CD58: variants seen among roughly 807,000 people sequenced by gnomAD.
CD58 encodes the protein lymphocyte function-associated antigen 3.
Under a neutral mutation model 27.6 loss-of-function variants are expected in CD58, and 14 were observed. That is an observed-to-expected ratio of 0.51 (90% CI 0.34 to 0.79). CD58 has a LOEUF of 0.79. CD58 is among the 30% of genes least tolerant of loss of function. CD58 has a pLI of 0.02. For synonymous variants in CD58, 117 were observed against 103.8 expected (o/e 1.13, Z -0.77); for missense variants, 268 against 301.7 (o/e 0.89, Z 0.83).
chr1:116,565,110 TCTC>T (rs952183590), intron 1 of CD58, among the ~76,000 whole-genome samples: 3 of 152,192 alleles, frequency 2.0e-5, no homozygotes, highest in African/African-American at 7.2e-5. Context: ...CTTCCTTTTC[TCTC>T]CTCTACAGAC....
intron 3 of CD58, among the ~76,000 whole-genome samples, chr1:116,526,587 A>G (rs1377364870): frequency 6.6e-6 from 1 of 152,212 alleles, no homozygotes; most frequent in South Asian, 2.1e-4. Flanking sequence ...TATGTTGACT[A>G]CTGTAGCTTT....
chr1:116,538,430 T>C lies in CD58; in HGVS notation c.365-2202A>G, dbSNP rs1297927475. ...AAAAATGCCTGTTCTCAGTATTTCA[T>C]ATACTTATGCCTGCCTCTGTAACTA... On this transcript the variant is annotated intron_variant, in intron 2 of 5. Transcript: ENST00000369489. The surrounding 1 kb of genome is among the most constrained non-coding windows in gnomAD (Gnocchi z 4.7). Among the ~76,000 whole-genome samples, 1 of 152,194 alleles carries C rather than the reference T, an allele frequency of 6.6e-6. No individual in the cohort carries two copies. The highest frequency in any genetic ancestry group is 1.5e-5 in the Non-Finnish European group (1 of 68,032).
At chr1:116,542,623 T>C (rs1365455080) in intron 2 of CD58, among the ~76,000 whole-genome samples, 1 of 152,202 alleles carries the variant, frequency 6.6e-6, no homozygotes, top group Non-Finnish European at 1.5e-5. Flanking sequence ...ACAGTATATA[T>C]GTATGCCACT....
chr1:116,563,341 G>A lies in CD58; in HGVS notation c.70+7562C>T, dbSNP rs1445977302. 6.6e-6 allele frequency among the ~76,000 whole-genome samples: 1 copy of A among 151,744 alleles called. No individual in the cohort carries two copies. Among genetic ancestry groups the A allele is most frequent in the Non-Finnish European group, 1.5e-5 (1 of 67,952 alleles). On this transcript the variant is annotated intron_variant, in intron 1 of 5. Transcript: ENST00000369489. The surrounding 1 kb of genome is among the most constrained non-coding windows in gnomAD (Gnocchi z 4.1). Reference sequence around the variant, plus strand: ...CATTAAGTGTCTGTGGCTTTTCCAGGTACACGGTGCAAGCTCTCGGTGGAT... The same window carrying A: ...CATTAAGTGTCTGTGGCTTTTCCAGATACACGGTGCAAGCTCTCGGTGGAT...
chr1:116,540,275 G>A (rs1657949191), intron 2 of CD58, among the ~76,000 whole-genome samples: 2 of 151,886 alleles, frequency 1.3e-5, no homozygotes, highest in Admixed American at 1.3e-4. Flanking sequence ...ATTAGGTCTG[G>A]TGTCTCTAGA....
At chr1:116,543,781 G>A (rs926957540) in intron 2 of CD58, among the ~76,000 whole-genome samples, 1 of 152,076 alleles carries the variant, frequency 6.6e-6, no homozygotes, top group African/African-American at 2.4e-5. Flanking sequence ...AATTAGCTGG[G>A]CATGGTGGTG....
chr1:116,542,876 T>C (rs1571074528), intron 2 of CD58, among the ~76,000 whole-genome samples: 1 of 152,316 alleles, frequency 6.6e-6, no homozygotes, highest in South Asian at 2.1e-4. Flanking sequence ...CTCTGATTGC[T>C]TATTCTCCTT....
At position 116,550,132 on chromosome 1, in the gene CD58, G is replaced by A. The variant is rs1382612678; in HGVS notation, c.71-5528C>T. Reference sequence around the variant, plus strand: ...TGTTGATGGCTGCTGACTGATCAGGGTGTTGGTTGCTAAAGGCTGCAATGG... The same window carrying A: ...TGTTGATGGCTGCTGACTGATCAGGATGTTGGTTGCTAAAGGCTGCAATGG... On this transcript the variant is annotated intron_variant, in intron 1 of 5. Coordinates refer to ENST00000369489, the MANE Select transcript of CD58 (RefSeq NM_001779.3). This position sits in a 1 kb window ranked among gnomAD's most constrained non-coding sequence, Gnocchi z 4.2. 1.3e-5 allele frequency among the ~76,000 whole-genome samples: 2 copies of A among 152,198 alleles called. No individual in the cohort carries two copies. The highest frequency in any genetic ancestry group is 2.9e-5 in the Non-Finnish European group (2 of 68,040).
chr1:116,570,812 C>T lies in CD58; in HGVS notation c.70+91G>A. On this transcript the variant is annotated intron_variant, in intron 1 of 5. Transcript: ENST00000369489. The surrounding 1 kb of genome is among the most constrained non-coding windows in gnomAD (Gnocchi z 6.4). ...CCCGTCCCCACCCGTCTCTGATCGG[C>T]AACCGCCTCGAGCCCGGCGCGTCCA... The T allele has an allele frequency of 2.0e-6, 2 of 1,022,214 alleles. No homozygotes were observed. The highest frequency in any genetic ancestry group is 3.1e-4 in the Middle Eastern group (1 of 3,254). 63.3% of individuals were successfully genotyped at this position (1,022,214 alleles called of 1,614,324 possible). A position where few individuals can be genotyped will look rare whatever the true frequency, so the allele number is the denominator to read the frequency against.
At position 116,534,431 on chromosome 1, in the gene CD58, G is replaced by A. The variant is rs907499234; in HGVS notation, c.628+1534C>T. ...GCCTGAATGCTCCTCCGGGTGCGCCGCGGCCCTCCGGGTACGCGGGGCTGG... is the reference window on the plus strand; with the variant it reads ...GCCTGAATGCTCCTCCGGGTGCGCCACGGCCCTCCGGGTACGCGGGGCTGG... On this transcript the variant is annotated intron_variant, in intron 3 of 5. Transcript: ENST00000369489. This position sits in a 1 kb window ranked among gnomAD's most constrained non-coding sequence, Gnocchi z 5.3. Among the ~76,000 whole-genome samples the A allele has an allele frequency of 3.9e-5, 6 of 152,184 alleles. No individual in the cohort carries two copies. Among genetic ancestry groups the A allele is most frequent in the African/African-American group, 1.4e-4 (6 of 41,470 alleles).
Position 116,515,024 on chromosome 1 carries a change from C to G in CD58, c.744-202G>C, listed in dbSNP as rs1004996630. Among the ~76,000 whole-genome samples, 3 of 152,202 alleles carry G rather than the reference C, an allele frequency of 2.0e-5. No homozygotes were observed. The highest frequency in any genetic ancestry group is 7.2e-5 in the African/African-American group (3 of 41,446). On this transcript the variant is annotated intron_variant, in intron 5 of 5. Transcript: ENST00000369489. This position sits in a 1 kb window ranked among gnomAD's most constrained non-coding sequence, Gnocchi z 4.6. The stretch of plus-strand genomic sequence containing the variant: ...AGTAGTCTGAGTAACACTTGAAGAA[C>G]AGCCTTCAGGATGCTGCACTCAATA...
At chr1:116,518,455 G>A (rs913165835) in intron 5 of CD58, among the ~76,000 whole-genome samples, 28 of 151,936 alleles carry the variant, frequency 1.8e-4, no homozygotes, top group African/African-American at 6.5e-4. Flanking sequence ...AAAACTCTGC[G>A]GTTCTCCCTA....
Position 116,524,977 on chromosome 1 carries a change from C to T in CD58, c.629-2994G>A, listed in dbSNP as rs554899339. 4.0e-4 allele frequency among the ~76,000 whole-genome samples: 61 copies of T among 152,314 alleles called. No homozygotes were observed. In the South Asian group the frequency reaches 0.012, roughly 29 times the overall value. On this transcript the variant is annotated intron_variant, in intron 3 of 5. Coordinates refer to ENST00000369489, the MANE Select transcript of CD58 (RefSeq NM_001779.3). This position sits in a 1 kb window ranked among gnomAD's most constrained non-coding sequence, Gnocchi z 4.6. ...GTTACAGAAAGTTTGTACATACATCCTGCCCCTACACATGCATAGCCTCCC... is the reference window on the plus strand; with the variant it reads ...GTTACAGAAAGTTTGTACATACATCTTGCCCCTACACATGCATAGCCTCCC...
chr1:116,556,819 G>A (rs1365297500), intron 1 of CD58, among the ~76,000 whole-genome samples: 1 of 152,204 alleles, frequency 6.6e-6, no homozygotes, highest in Non-Finnish European at 1.5e-5. Flanking sequence ...GGACTGGTGA[G>A]GACTTGCGCA....
chr1:116,549,155 A>G (rs1424331235), intron 1 of CD58, among the ~76,000 whole-genome samples: 1 of 152,192 alleles, frequency 6.6e-6, no homozygotes, highest in Non-Finnish European at 1.5e-5. Context: ...CAAGACAGAC[A>G]CCGTCCCTTC....
In CD58 at chr1:116,526,274, A is replaced by C. The variant is rs142646660; in HGVS notation, c.629-4291T>G. On this transcript the variant is annotated intron_variant, in intron 3 of 5. Coordinates refer to ENST00000369489, the MANE Select transcript of CD58 (RefSeq NM_001779.3). ...TGTATCTAAAAAGTCATCATATCCAAAGTTATCTAGGTTTTCTCTTATGTT... is the reference window on the plus strand; with the variant it reads ...TGTATCTAAAAAGTCATCATATCCACAGTTATCTAGGTTTTCTCTTATGTT... Among the ~76,000 whole-genome samples, 61 of 152,152 alleles carry C rather than the reference A, an allele frequency of 4.0e-4. No homozygotes were observed. The Middle Eastern group carries it at 0.01, about 25-fold the overall frequency.
chr1:116,533,360 C>A, intron 3 of CD58: 2 of 1,026,042 alleles, frequency 1.9e-6, no homozygotes, highest in Non-Finnish European at 3.1e-6. Context: ...AGTCCATGAT[C>A]TCAGGACCTG....
intron 5 of CD58, 31 bp from the exon 6 acceptor site, chr1:116,514,853 A>G: frequency 6.6e-7 from 1 of 1,524,016 alleles, no homozygotes; most frequent in South Asian, 1.2e-5. Context: ...ATTAACTTGT[A>G]AAATGCAGTA....
rs368826888 is a variant in CD58 at position 116,536,579 on chromosome 1, T to C, written c.365-351A>G. Among the ~76,000 whole-genome samples, 7 of 152,220 alleles carry C rather than the reference T, an allele frequency of 4.6e-5. No individual in the cohort carries two copies. In the East Asian group the frequency reaches 1.4e-3, roughly 29 times the overall value. ...ATAGAGAGTGAGTTCTCATGACATC[T>C]GTTGGTTTAAAAGTGTGTGGCAGTT... On this transcript the variant is annotated intron_variant, in intron 2 of 5. Coordinates refer to ENST00000369489, the MANE Select transcript of CD58 (RefSeq NM_001779.3). The surrounding 1 kb of genome is among the most constrained non-coding windows in gnomAD (Gnocchi z 5.4).
Sources: allele counts gnomAD v4.1 joint callset (sites outside exome capture counted in the v4.1 genomes callset), GRCh38; gene constraint gnomAD v4.1.1; non-coding constraint Gnocchi (gnomAD v3.1); transcripts MANE v1.5; gene names NCBI Gene and HGNC (gene_info 2026-07-23, HGNC 2026-07-21).